GOLM2: variants seen among roughly 807,000 people sequenced by gnomAD.
GOLM2 encodes protein GOLM2.
A neutral mutation model predicts 55.9 loss-of-function variants in GOLM2; 26 were observed. The observed-to-expected ratio is 0.47, with a 90% CI of 0.34 to 0.65. The LOEUF (loss-of-function observed/expected upper bound fraction) is 0.65, where lower values mean the gene tolerates loss of function less well. GOLM2 is among the 30% of genes least tolerant of loss of function. The pLI, the probability that GOLM2 is intolerant of heterozygous loss-of-function variation, is 0.01. For missense variants in GOLM2, 486 were observed against 531.8 expected (o/e 0.91, Z 0.85); for synonymous variants, 165 against 194.6 (o/e 0.85, Z 1.27).
At chr15:44,309,101 C>T (rs2078857230) in intron 1 of GOLM2, among the ~76,000 whole-genome samples, 1 of 152,108 alleles carries the variant, frequency 6.6e-6, no homozygotes, top group Non-Finnish European at 1.5e-5. Flanking sequence ...CTATCTCACA[C>T]CTGCTAGAAT....
intron 2 of GOLM2, among the ~76,000 whole-genome samples, chr15:44,325,968 A>G (rs139053345): frequency 6.6e-6 from 1 of 152,298 alleles, no homozygotes; most frequent in African/African-American, 2.4e-5. Context: ...TTAATATTAT[A>G]AAAAGAGAAA....
At chr15:44,318,062 A>G (rs1158525655) in intron 1 of GOLM2, among the ~76,000 whole-genome samples, 1 of 152,240 alleles carries the variant, frequency 6.6e-6, no homozygotes, top group African/African-American at 2.4e-5. Flanking sequence ...CAGGCCATAT[A>G]GTCTCTGCCA....
chr15:44,409,109 C>T (rs906956786), intron 9 of GOLM2, among the ~76,000 whole-genome samples: 2 of 151,578 alleles, frequency 1.3e-5, no homozygotes, highest in African/African-American at 4.8e-5. Flanking sequence ...AACCCCATCT[C>T]TACTCTCTAC....
At chr15:44,323,158 T>A (rs979118660) in intron 2 of GOLM2, 139 bp downstream of exon 2, 28 of 535,550 alleles carry the variant, frequency 5.2e-5, no homozygotes, top group African/African-American at 4.6e-4. Context: ...CATTTATCCT[T>A]TTGCCTTAAG....
chr15:44,300,501 A>G (rs1266450234), intron 1 of GOLM2, among the ~76,000 whole-genome samples: 1 of 152,208 alleles, frequency 6.6e-6, no homozygotes, highest in Non-Finnish European at 1.5e-5. Flanking sequence ...AGATCATAAA[A>G]CAAGCTGCTT....
chr15:44,359,950 C>T (rs1183700230), intron 6 of GOLM2, among the ~76,000 whole-genome samples: 1 of 151,150 alleles, frequency 6.6e-6, no homozygotes, highest in African/African-American at 2.4e-5. Flanking sequence ...TCCAGCCAAA[C>T]TAAGCTTCAT....
chr15:44,414,299 A>G lies in GOLM2; in HGVS notation c.*893A>G, dbSNP rs1790918138. 6.6e-6 allele frequency: 1 copy of G among 152,200 alleles called. No individual in the cohort carries two copies. The highest frequency in any genetic ancestry group is 1.5e-5 in the Non-Finnish European group (1 of 68,050). 9.4% of individuals were successfully genotyped at this position (152,200 alleles called of 1,614,324 possible). A position where few individuals can be genotyped will look rare whatever the true frequency, so the allele number is the denominator to read the frequency against. On this transcript the variant is annotated 3_prime_UTR_variant, in exon 10 of 10. Transcript: ENST00000299957. ...CACCTCCCTACTCCTTTTATTTTAC[A>G]TGAGTGCTGATGTGTTTTGGCAGAT...
intron 1 of GOLM2, among the ~76,000 whole-genome samples, chr15:44,321,485 G>C (rs867046817): frequency 6.6e-5 from 6 of 91,278 alleles, no homozygotes; most frequent in South Asian, 3.8e-4. Flanking sequence ...AAAAAAAAAA[G>C]GGGGGGTGGG....
At chr15:44,336,112 C>G (rs1370369181) in intron 4 of GOLM2, among the ~76,000 whole-genome samples, 1 of 151,624 alleles carries the variant, frequency 6.6e-6, no homozygotes, top group Non-Finnish European at 1.5e-5. Context: ...CGTGCCTGGC[C>G]CAAACTACTT....
chr15:44,327,107 T>C (rs1008385626), intron 2 of GOLM2, among the ~76,000 whole-genome samples: 1 of 151,414 alleles, frequency 6.6e-6, no homozygotes, highest in Non-Finnish European at 1.5e-5. Context: ...CAGACCACCA[T>C]GCTTAGTTAA....
chr15:44,363,062 A>G (rs1348243222), intron 6 of GOLM2, among the ~76,000 whole-genome samples: 1 of 152,192 alleles, frequency 6.6e-6, no homozygotes, highest in Non-Finnish European at 1.5e-5. Context: ...TTAAAGACTT[A>G]AACGTTAGAC....
intron 4 of GOLM2, 94 bp from the exon 5 acceptor site, chr15:44,337,669 C>A: frequency 2.3e-6 from 2 of 861,256 alleles, no homozygotes; most frequent in Non-Finnish European, 3.5e-6. Context: ...ATATGTTTTA[C>A]AAGATGAACT....
At chr15:44,310,454 C>CTCTATATATATATATGTATATATATA (rs1187338800) in intron 1 of GOLM2, among the ~76,000 whole-genome samples, 2 of 142,606 alleles carry the variant, frequency 1.4e-5, no homozygotes, top group African/African-American at 5.3e-5. Context: ...CTCTCTCTCT[C>CTCTATATATATATATGTATATATATA]TATATATATA....
chr15:44,305,281 A>G (rs939614093), intron 1 of GOLM2, among the ~76,000 whole-genome samples: 11 of 152,160 alleles, frequency 7.2e-5, no homozygotes, highest in African/African-American at 2.4e-4. Flanking sequence ...ATTAATGGCC[A>G]CTGTGCCCAG....
chr15:44,385,313 A>G (rs1423034480), intron 8 of GOLM2, among the ~76,000 whole-genome samples: 5 of 150,090 alleles, frequency 3.3e-5, no homozygotes, highest in Admixed American at 3.3e-4. Context: ...AAGAGTTCCA[A>G]TTTCTCCACA....
At chr15:44,383,566 A>G (rs1478689981) in intron 8 of GOLM2, among the ~76,000 whole-genome samples, 1 of 151,918 alleles carries the variant, frequency 6.6e-6, no homozygotes, top group Non-Finnish European at 1.5e-5. Context: ...TAATTTTATT[A>G]TAATTATTTC....
intron 6 of GOLM2, among the ~76,000 whole-genome samples, chr15:44,352,420 CA>C: frequency 6.6e-6 from 1 of 152,200 alleles, no homozygotes; most frequent in East Asian, 1.9e-4. Context: ...AAAGCCATAT[CA>C]AAATGAATTT....
chr15:44,309,018 G>A (rs1364092949), intron 1 of GOLM2, among the ~76,000 whole-genome samples: 3 of 152,136 alleles, frequency 2.0e-5, no homozygotes, highest in African/African-American at 7.2e-5. Context: ...GTGGCCAACA[G>A]GTACAGTCAT....
intron 1 of GOLM2, among the ~76,000 whole-genome samples, chr15:44,298,137 G>A (rs1016884549): frequency 2.0e-5 from 3 of 151,744 alleles, no homozygotes; most frequent in African/African-American, 4.8e-5. Flanking sequence ...CCAAAGTGCT[G>A]GGATTACAGG....
Sources: gnomAD v4.1 joint callset for allele counts (sites outside exome capture counted in the v4.1 genomes callset) on GRCh38, gnomAD v4.1.1 for gene constraint, MANE v1.5 for transcripts, NCBI Gene and HGNC (gene_info 2026-07-23, HGNC 2026-07-21) for gene names.